The following ACSF2 variants were observed in gnomAD, a reference collection of about 807,000 sequenced individuals.
ACSF2 encodes medium-chain acyl-CoA ligase ACSF2, mitochondrial.
In ACSF2, 52 loss-of-function variants were observed where a neutral mutation model predicts 79.3. That is an observed-to-expected ratio of 0.66 (90% CI 0.53 to 0.83). The LOEUF (loss-of-function observed/expected upper bound fraction) is 0.83. Among genes scored for constraint, ACSF2 ranks in the 40% least tolerant of loss-of-function variants. The pLI is 0.00. For synonymous variants in ACSF2, 283 were observed against 312.6 expected (o/e 0.91, Z 1.00); for missense variants, 661 against 803.3 (o/e 0.82, Z 2.14).
intron 10 of ACSF2, chr17:50,468,468 C>G (rs757125544): frequency 6.2e-7 from 1 of 1,614,256 alleles, no homozygotes; most frequent in Admixed American, 1.7e-5. Context: ...AAGGCACCTG[C>G]GCGCAGCACG....
At chr17:50,450,891 G>A (rs1181118431) in intron 1 of ACSF2, among the ~76,000 whole-genome samples, 1 of 152,142 alleles carries the variant, frequency 6.6e-6, no homozygotes, top group Non-Finnish European at 1.5e-5. Context: ...TCCGCCTTTT[G>A]GGTATTGTGA....
At chr17:50,460,230 G>A in intron 1 of ACSF2, 2 of 457,274 alleles carry the variant, frequency 4.4e-6, no homozygotes, top group Non-Finnish European at 8.8e-6. Flanking sequence ...GGCCCACCAA[G>A]GAGTCTAAAA....
chr17:50,440,365 G>C lies in ACSF2; in HGVS notation c.128+13976G>C, dbSNP rs116819311. On this transcript the variant is annotated intron_variant, in intron 1 of 15. Coordinates refer to ENST00000300441, the MANE Select transcript of ACSF2 (RefSeq NM_025149.6). ...TGAAGAGGCCTTGCCCAGGGCCTGA[G>C]GCATTTCCACCCCCCGACAGGGGCA... 8.5e-3 allele frequency among the ~76,000 whole-genome samples: 1,287 copies of C among 152,244 alleles called. 18 individuals carry two copies. The highest frequency in any genetic ancestry group is 0.03 in the African/African-American group (1,230 of 41,520).
chr17:50,436,882 T>C (rs2030474964), intron 1 of ACSF2, among the ~76,000 whole-genome samples: 1 of 152,178 alleles, frequency 6.6e-6, no homozygotes, highest in South Asian at 2.1e-4. Flanking sequence ...TCTTGAACAA[T>C]AGTTGCACAT....
chr17:50,458,298 T>C (rs2032136348), intron 1 of ACSF2, among the ~76,000 whole-genome samples: 2 of 152,204 alleles, frequency 1.3e-5, no homozygotes, highest in Non-Finnish European at 1.5e-5. Context: ...CCCAATGTCC[T>C]CTGCTCTGGA....
rs189245546 is a variant in ACSF2, at chr17:50,426,904, G to C, written c.128+515G>C. 499 of 1,535,756 alleles carry C rather than the reference G, an allele frequency of 3.2e-4. 1 individual carries two copies. The highest frequency in any genetic ancestry group is 2.2e-3 in the Middle Eastern group (13 of 5,992). On this transcript the variant is annotated intron_variant, in intron 1 of 15. Coordinates refer to ENST00000300441, the MANE Select transcript of ACSF2 (RefSeq NM_025149.6). ...CTGGGCCTATTTCCTTCTGTCCTCA[G>C]TGCAAGGGGTGGGATGGAAGCTGGC...
chr17:50,472,572 T>C lies in ACSF2; in HGVS notation c.1468T>C (p.Trp490Arg). Residue 490 changes from tryptophan to arginine, a missense_variant, in exon 12 of 16, where the codon TGG (tryptophan) becomes CGG (arginine). By Grantham distance (101) the Trp-to-Arg change is moderately radical (BLOSUM62 -3). Coordinates refer to ENST00000300441, the MANE Select transcript of ACSF2 (RefSeq NM_025149.6). ...AGCAGTGGATCAGGACAAGTGGTAT[T>C]GGACAGGGTGAGAAGGCAGGGCGGG... ...EEAVDQDKWY[W>R]TGDVATMNEQ... is the part of the protein sequence containing the mutation. 6.3e-7 allele frequency: 1 copy of C among 1,597,152 alleles called. No individual in the cohort carries two copies. The highest frequency in any genetic ancestry group is 1.7e-5 in the Admixed American group (1 of 57,800).
chr17:50,456,872 C>A lies in ACSF2; in HGVS notation c.129-3805C>A, dbSNP rs527888274. 6.7e-4 allele frequency among the ~76,000 whole-genome samples: 102 copies of A among 152,194 alleles called. 1 individual carries two copies. Among genetic ancestry groups the A allele is most frequent in the South Asian group, 6.0e-3 (29 of 4,822 alleles). On this transcript the variant is annotated intron_variant, in intron 1 of 15. Transcript: ENST00000300441. ...CCCAGGAGTTCGAGACCAGTTCTGGCAACATAGTAAGACTCCATCTCTACC... is the reference window on the plus strand; with the variant it reads ...CCCAGGAGTTCGAGACCAGTTCTGGAAACATAGTAAGACTCCATCTCTACC...
At chr17:50,427,554 C>T (rs954087426) in intron 1 of ACSF2, among the ~76,000 whole-genome samples, 3 of 152,036 alleles carry the variant, frequency 2.0e-5, no homozygotes, top group East Asian at 1.9e-4. Context: ...TCGGCCCTCC[C>T]CTGACCCCCT....
At chr17:50,461,542 A>G (rs2032325449) in intron 3 of ACSF2, 91 bp from the exon 4 acceptor site, 1 of 1,597,434 alleles carries the variant, frequency 6.3e-7, no homozygotes, top group Admixed American at 1.7e-5. Flanking sequence ...GGGGCTGTAG[A>G]GTGCTGCCTC....
At chr17:50,426,825 C>T in intron 1 of ACSF2, 1 of 1,415,622 alleles carries the variant, frequency 7.1e-7, no homozygotes, top group African/African-American at 1.4e-5. Flanking sequence ...TAGCAGTCTC[C>T]TGTCTCCTCA....
intron 1 of ACSF2, among the ~76,000 whole-genome samples, chr17:50,452,643 T>G (rs897014812): frequency 6.6e-6 from 1 of 151,548 alleles, no homozygotes; most frequent in Non-Finnish European, 1.5e-5. Flanking sequence ...GTAACAAACC[T>G]GCACGTTCTA....
rs2143819926 is a variant in ACSF2 at position 50,474,361 on chromosome 17, A to G, written c.1797+94A>G. 1 of 1,535,676 alleles carries G rather than the reference A, an allele frequency of 6.5e-7. No homozygotes were observed. Among genetic ancestry groups the G allele is most frequent in the Non-Finnish European group, 9.0e-7 (1 of 1,111,724 alleles). ...TTCCTTCAGCAATGGGTGTGGAGAGACTGGCAGTAGGGTGACCGGGTCACC... is the reference window on the plus strand; with the variant it reads ...TTCCTTCAGCAATGGGTGTGGAGAGGCTGGCAGTAGGGTGACCGGGTCACC... On this transcript the variant is annotated intron_variant, in intron 15 of 15. Transcript: ENST00000300441. This position sits in a 1 kb window ranked among gnomAD's most constrained non-coding sequence, Gnocchi z 4.2.
chr17:50,470,047 G>A (rs1234424579), intron 10 of ACSF2: 1 of 152,494 alleles, frequency 6.6e-6, no homozygotes, highest in Non-Finnish European at 1.5e-5. Context: ...GTGATGAGGG[G>A]TGGAAGGAGA....
chr17:50,432,354 A>G (rs2030001331), intron 1 of ACSF2, among the ~76,000 whole-genome samples: 1 of 152,320 alleles, frequency 6.6e-6, no homozygotes, highest in Middle Eastern at 3.4e-3. Context: ...TTTTACAGGA[A>G]TGCTTGTGTA....
At chr17:50,436,319 C>T (rs914057062) in intron 1 of ACSF2, among the ~76,000 whole-genome samples, 66 of 151,542 alleles carry the variant, frequency 4.4e-4, no homozygotes, top group African/African-American at 1.4e-3. Flanking sequence ...TTAGTAGAGA[C>T]GGGGTTTCAC....
chr17:50,464,088 T>C, intron 9 of ACSF2, 130 bp from the exon 10 acceptor site: 2 of 1,250,286 alleles, frequency 1.6e-6, no homozygotes, highest in Non-Finnish European at 2.3e-6. Context: ...CAGGGCCAGC[T>C]GCCAGGTGTA....
At chr17:50,470,916 GC>G in intron 10 of ACSF2, 111 bp from the exon 11 acceptor site, 1 of 786,434 alleles carries the variant, frequency 1.3e-6, no homozygotes, top group Non-Finnish European at 2.2e-6. Context: ...CCATTCGGCT[GC>G]CCTCCACTTT....
intron 1 of ACSF2, among the ~76,000 whole-genome samples, chr17:50,430,934 A>G (rs139320959): frequency 3.9e-5 from 6 of 152,230 alleles, no homozygotes; most frequent in Middle Eastern, 3.4e-3. Context: ...CTGCTGAGCT[A>G]TTTTTCTGTT....
Sources: allele counts gnomAD v4.1 joint callset (sites outside exome capture counted in the v4.1 genomes callset), GRCh38; gene constraint gnomAD v4.1.1; non-coding constraint Gnocchi (gnomAD v3.1); transcripts MANE v1.5; gene names NCBI Gene and HGNC (gene_info 2026-07-23, HGNC 2026-07-21).